GPR39: variants seen among roughly 807,000 people sequenced by gnomAD.
GPR39 encodes zinc sensing receptor.
A neutral mutation model predicts 18.4 loss-of-function variants in GPR39; 23 were observed. The ratio of observed to expected loss-of-function variants is 1.25; its 90% CI spans 0.90 to 1.77. The LOEUF (loss-of-function observed/expected upper bound fraction) is 1.77, where lower values mean the gene tolerates loss of function less well. GPR39 is among the 40% of genes most tolerant of loss of function. GPR39 has a pLI of 0.00. For missense variants in GPR39, 647 were observed against 602.4 expected, an observed-to-expected ratio of 1.07 and a Z score of -0.78; for synonymous variants, 280 against 257.9, an observed-to-expected ratio of 1.09 and a Z score of -0.82.
chr2:132,590,818 C>CGTAT (rs1553458736), intron 1 of GPR39, among the ~76,000 whole-genome samples: 1 of 143,900 alleles, frequency 6.9e-6, no homozygotes, highest in African/African-American at 2.6e-5. Context: ...AAGTATTGTT[C>CGTAT]GTGTGTGTGT....
chr2:132,643,027 C>G (rs1242056817), intron 1 of GPR39, among the ~76,000 whole-genome samples: 4 of 152,140 alleles, frequency 2.6e-5, no homozygotes, highest in Non-Finnish European at 5.9e-5. Context: ...TTTGGAATAG[C>G]ACAAGTGGCT....
chr2:132,509,917 TGTGTATGGCTG>T (rs1398143586), intron 1 of GPR39, among the ~76,000 whole-genome samples: 2 of 152,194 alleles, frequency 1.3e-5, no homozygotes, highest in Non-Finnish European at 2.9e-5. Context: ...AGGAGAGGAC[TGTGTATGGCTG>T]GTAGGAGAGG....
intron 1 of GPR39, among the ~76,000 whole-genome samples, chr2:132,585,948 GTTTTTTT>G (rs397985921): frequency 1.3e-4 from 8 of 62,972 alleles, no homozygotes; most frequent in African/African-American, 2.9e-4. Context: ...AGCATCCCCG[GTTTTTTT>G]TTTTTTTTTT....
chr2:132,440,680 T>G (rs62167389), intron 1 of GPR39, among the ~76,000 whole-genome samples: 1,793 of 152,234 alleles, frequency 0.012, 16 homozygotes, highest in Non-Finnish European at 0.015. Context: ...AGGAAGGAAC[T>G]CATGGCGTGC....
intron 1 of GPR39, among the ~76,000 whole-genome samples, chr2:132,540,193 C>A (rs1177183128): frequency 1.3e-5 from 2 of 152,132 alleles, no homozygotes; most frequent in African/African-American, 4.8e-5. Context: ...ATGTAGAAAA[C>A]TTTTCCTTCC....
At chr2:132,484,456 A>G (rs1230954851) in intron 1 of GPR39, among the ~76,000 whole-genome samples, 1 of 152,260 alleles carries the variant, frequency 6.6e-6, no homozygotes, top group African/African-American at 2.4e-5. Flanking sequence ...GACCCCATGC[A>G]GGCATTTGCC....
intron 1 of GPR39, among the ~76,000 whole-genome samples, chr2:132,481,584 T>C (rs1681235539): frequency 6.6e-6 from 1 of 152,216 alleles, no homozygotes; most frequent in Non-Finnish European, 1.5e-5. Context: ...TGTGAGCAAA[T>C]GATTGCAAGT....
chr2:132,644,917 G>A (rs1681972649), intron 1 of GPR39, 184 bp from the exon 2 acceptor site: 2 of 652,990 alleles, frequency 3.1e-6, no homozygotes, highest in Admixed American at 3.1e-5. Context: ...TTGAAACAGT[G>A]TTAAATTCTC....
intron 1 of GPR39, among the ~76,000 whole-genome samples, chr2:132,620,344 C>T (rs1573702396): frequency 1.3e-5 from 2 of 152,196 alleles, no homozygotes; most frequent in African/African-American, 2.4e-5. Context: ...ATGCTGTGTG[C>T]CAGGATCTCG....
intron 1 of GPR39, among the ~76,000 whole-genome samples, chr2:132,581,402 G>A (rs1335976735): frequency 6.6e-6 from 1 of 151,652 alleles, no homozygotes; most frequent in Non-Finnish European, 1.5e-5. Context: ...TAGGTCTGGG[G>A]TTCCAGAAAC....
intron 1 of GPR39, among the ~76,000 whole-genome samples, chr2:132,503,045 T>G (rs1243823870): frequency 1.3e-5 from 2 of 152,212 alleles, no homozygotes; most frequent in Non-Finnish European, 1.5e-5. Flanking sequence ...GATTAATACT[T>G]GACTTTCTGA....
At chr2:132,568,399 T>C (rs946150123) in intron 1 of GPR39, among the ~76,000 whole-genome samples, 3 of 152,066 alleles carry the variant, frequency 2.0e-5, no homozygotes, top group African/African-American at 2.4e-5. Context: ...GTTTGCATGA[T>C]GCAATGTTAA....
chr2:132,602,529 G>A (rs1681060937), intron 1 of GPR39, among the ~76,000 whole-genome samples: 1 of 151,956 alleles, frequency 6.6e-6, no homozygotes, highest in African/African-American at 2.4e-5. Context: ...ACAAAAAATA[G>A]GCAAATGGAA....
In GPR39 at chr2:132,417,892, T is replaced by C; in HGVS notation, c.850T>C (p.Phe284Leu). Residue 284 changes from phenylalanine (F) to leucine (L), a missense_variant, in exon 1 of 2, where the codon TTC becomes CTC. Physicochemically the swap from Phe to Leu is conservative, Grantham distance 22 (BLOSUM62 0). Transcript: ENST00000329321. ...GACCGCCAGGAGGCAGACCATCATC[T>C]TCCTGAGTGAGTCCTAAGTCGGGGG... ...SRTARRQTII[F>L]LRLIVVTLAV... 6.3e-7 allele frequency: 1 copy of C among 1,583,782 alleles called. No homozygotes were observed. The highest frequency in any genetic ancestry group is 1.7e-5 in the Admixed American group (1 of 59,194).
chr2:132,572,815 A>G (rs1201894468), intron 1 of GPR39, among the ~76,000 whole-genome samples: 1 of 152,230 alleles, frequency 6.6e-6, no homozygotes, highest in Non-Finnish European at 1.5e-5. Context: ...AAGAAATAAT[A>G]GAATTGATTG....
chr2:132,483,440 G>A (rs1345148264), intron 1 of GPR39, among the ~76,000 whole-genome samples: 1 of 152,224 alleles, frequency 6.6e-6, no homozygotes, highest in East Asian at 1.9e-4. Flanking sequence ...CCTGTGTGTT[G>A]CCTTCACTTC....
intron 1 of GPR39, among the ~76,000 whole-genome samples, chr2:132,452,841 C>G (rs9287420): frequency 0.51 from 76,048 of 150,380 alleles, 20,803 homozygotes; most frequent in Non-Finnish European, 0.62. Context: ...GTATTCCACG[C>G]TGTATATATG....
At position 132,478,528 on chromosome 2, in the gene GPR39, T is replaced by C. The variant is rs557049007; in HGVS notation, c.856+60630T>C. Reference sequence around the variant, plus strand: ...CCCAGATACTGGATGAGCTTCCCAATCAATACTACGTAACAAGAAAAGCTA... The same window carrying C: ...CCCAGATACTGGATGAGCTTCCCAACCAATACTACGTAACAAGAAAAGCTA... On this transcript the variant is annotated intron_variant, in intron 1 of 1. Coordinates refer to ENST00000329321, the MANE Select transcript of GPR39 (RefSeq NM_001508.3). Among the ~76,000 whole-genome samples, 4 of 152,304 alleles carry C rather than the reference T, an allele frequency of 2.6e-5. No individual in the cohort carries two copies. The South Asian group carries it at 8.3e-4, about 32-fold the overall frequency.
chr2:132,502,256 T>C (rs191364786), intron 1 of GPR39, among the ~76,000 whole-genome samples: 1 of 152,332 alleles, frequency 6.6e-6, no homozygotes, highest in East Asian at 1.9e-4. Flanking sequence ...TTAGCAGTTC[T>C]TGTAGTGTTG....
Sources: gnomAD v4.1 joint callset for allele counts (sites outside exome capture counted in the v4.1 genomes callset) on GRCh38, gnomAD v4.1.1 for gene constraint, MANE v1.5 for transcripts, NCBI Gene and HGNC (gene_info 2026-07-23, HGNC 2026-07-21) for gene names.